DNAH12: variants seen among roughly 807,000 people sequenced by gnomAD.
The protein encoded by DNAH12 is axonemal beta dynein heavy chain 12.
In DNAH12, 285 loss-of-function variants were observed where a neutral mutation model predicts 371.5. The observed-to-expected ratio is 0.77, with a 90% CI of 0.70 to 0.85. The LOEUF (loss-of-function observed/expected upper bound fraction) is 0.85. Among genes scored for constraint, DNAH12 ranks in the 40% least tolerant of loss-of-function variants. The pLI, the probability that DNAH12 is intolerant of heterozygous loss-of-function variation, is 0.00. For synonymous variants in DNAH12, 1,200 were observed against 1,213.0 expected, an observed-to-expected ratio of 0.99 and a Z score of 0.22; for missense variants, 3,611 against 3,689.4, an observed-to-expected ratio of 0.98 and a Z score of 0.55.
At chr3:57,391,490 T>C (rs950885836) in intron 45 of DNAH12, among the ~76,000 whole-genome samples, 2 of 152,342 alleles carry the variant, frequency 1.3e-5, no homozygotes, top group Admixed American at 1.3e-4. Context: ...TTCATAATCA[T>C]ATGAGCCAAT....
intron 25 of DNAH12, among the ~76,000 whole-genome samples, chr3:57,447,009 T>C (rs1037551008): frequency 6.6e-6 from 1 of 152,170 alleles, no homozygotes; most frequent in African/African-American, 2.4e-5. Flanking sequence ...GAGATGGTTG[T>C]GGAGGACAAT....
At chr3:57,550,931 T>G in the DNAH12 span, among the ~76,000 whole-genome samples, 27 of 150,622 alleles carry the variant, frequency 1.8e-4, no homozygotes, top group Admixed American at 1.7e-3. Flanking sequence ...GAGGCTGGAG[T>G]GCAGTGGCGC....
chr3:57,352,295 T>C (rs1553660760), intron 59 of DNAH12, 70 bp from the exon 60 acceptor site: 8 of 1,408,198 alleles, frequency 5.7e-6, no homozygotes, highest in African/African-American at 3.0e-5. Context: ...TGAATTAACA[T>C]ATACACTTTT....
In DNAH12 at chr3:57,320,203, G is replaced by A. The variant is rs2061774689; in HGVS notation, c.10524+2140C>T. Reference sequence around the variant, plus strand: ...ATTATGGTTGAGCTTGCTTTCCACAGGTTTCCTTTGACTAAAATGTCAGCT... The same window carrying A: ...ATTATGGTTGAGCTTGCTTTCCACAAGTTTCCTTTGACTAAAATGTCAGCT... On this transcript the variant is annotated intron_variant, in intron 65 of 73. Coordinates refer to ENST00000495027, the MANE Select transcript of DNAH12 (RefSeq NM_001366028.2). Among the ~76,000 whole-genome samples the A allele has an allele frequency of 3.3e-5, 5 of 152,170 alleles. No homozygotes were observed. In the South Asian group the frequency reaches 1.0e-3, roughly 32 times the overall value.
At position 57,392,018 on chromosome 3, in the gene DNAH12, G is replaced by A. The variant is rs2063634947; in HGVS notation, c.7159C>T (p.Pro2387Ser). 2 of 152,308 alleles carry A rather than the reference G, an allele frequency of 1.3e-5. No individual in the cohort carries two copies. Among genetic ancestry groups the A allele is most frequent in the African/African-American group, 4.8e-5 (2 of 41,554 alleles). The allele number at this position is 152,308 out of a possible 1,614,324, so 9.4% of individuals were successfully genotyped here. The change falls in exon 45 of 74, where the codon CCC becomes TCC. Residue 2387 changes from proline (P) to serine (S), a missense_variant. By Grantham distance (74) the Pro-to-Ser change is moderately conservative. Coordinates refer to ENST00000495027, the MANE Select transcript of DNAH12 (RefSeq NM_001366028.2). ...ACAAAGAAAGCAAACAGAGCTAAGG[G>A]ACTGAGTTCATCATGTTTATTGCCA... is the stretch of plus-strand genomic sequence containing the variant. ...QAGNKHDELS[P>S]LALFAFFVNR...
rs562478186 is a variant in DNAH12, at chr3:57,343,410, G to T, written c.9675-8470C>A. On this transcript the variant is annotated intron_variant, in intron 60 of 73. Coordinates refer to ENST00000495027, the MANE Select transcript of DNAH12 (RefSeq NM_001366028.2). ...CAAGGTTTAAGGGATCCAAGGCTGT[G>T]CAGGACTTGCCTTGTTAACAAAATG... Among the ~76,000 whole-genome samples, 7 of 152,352 alleles carry T rather than the reference G, an allele frequency of 4.6e-5. No homozygotes were observed. The South Asian group carries it at 1.4e-3, about 32-fold the overall frequency.
chr3:57,326,362 C>T (rs1427100992), intron 62 of DNAH12, among the ~76,000 whole-genome samples: 21 of 152,186 alleles, frequency 1.4e-4, no homozygotes, highest in South Asian at 4.2e-4. Flanking sequence ...GCTGAGCTCT[C>T]GGCAGAAACT....
At chr3:57,522,900 A>G (rs1397964604) in intron 4 of DNAH12, among the ~76,000 whole-genome samples, 2 of 151,776 alleles carry the variant, frequency 1.3e-5, no homozygotes, top group Non-Finnish European at 2.9e-5. Context: ...TTCTAAATAC[A>G]TATTTGCTGA....
chr3:57,332,838 T>A (rs746933265), intron 62 of DNAH12, among the ~76,000 whole-genome samples: 1 of 152,156 alleles, frequency 6.6e-6, no homozygotes, highest in East Asian at 1.9e-4. Flanking sequence ...CCAAAAGCCA[T>A]AGAGAGTCCT....
chr3:57,458,246 C>A, intron 20 of DNAH12, 26 bp from the exon 21 acceptor site: 2 of 1,527,748 alleles, frequency 1.3e-6, no homozygotes, highest in South Asian at 1.3e-5. Context: ...GCATTCAAGT[C>A]AGCACTTTTA....
At chr3:57,545,755 G>A (rs1274400606), upstream of DNAH12, among the ~76,000 whole-genome samples, 5 of 152,044 alleles carry the variant, frequency 3.3e-5, no homozygotes, top group African/African-American at 7.2e-5. Context: ...AGGGTGTTGT[G>A]CCTGGAGACA....
intron 60 of DNAH12, 146 bp from the exon 61 acceptor site, chr3:57,335,086 G>A: frequency 6.9e-6 from 6 of 870,050 alleles, no homozygotes; most frequent in Non-Finnish European, 8.4e-6. Context: ...CAAAATTAAT[G>A]AAACAACTGT....
At chr3:57,491,099 A>AAAAAAAAAAAAAAAAAAAC (rs56259991) in intron 11 of DNAH12, among the ~76,000 whole-genome samples, 1 of 112,790 alleles carries the variant, frequency 8.9e-6, no homozygotes, top group Non-Finnish European at 1.7e-5. Context: ...AAAAAAAAAA[A>AAAAAAAAAAAAAAAAAAAC]AACAACAAAT....
intron 62 of DNAH12, among the ~76,000 whole-genome samples, chr3:57,326,214 C>A (rs2061941764): frequency 6.6e-6 from 1 of 151,894 alleles, no homozygotes; most frequent in African/African-American, 2.4e-5. Flanking sequence ...GAGAATGCCA[C>A]AAAGATACTC....
chr3:57,425,770 G>T (rs2064747496), intron 34 of DNAH12, among the ~76,000 whole-genome samples: 1 of 143,064 alleles, frequency 7.0e-6, no homozygotes, highest in Non-Finnish European at 1.5e-5. Context: ...TAGCAGAAAT[G>T]AAGTCTCTAA....
intron 35 of DNAH12, among the ~76,000 whole-genome samples, chr3:57,423,680 C>T (rs1362284510): frequency 1.3e-5 from 2 of 152,170 alleles, no homozygotes; most frequent in Admixed American, 1.3e-4. Flanking sequence ...AACCTCTTTC[C>T]TCAGGCTCTT....
In DNAH12 at chr3:57,413,826, A is replaced by G; in HGVS notation, c.5940T>C (p.Asp1980=). 2.6e-6 allele frequency: 4 copies of G among 1,551,258 alleles called. No individual in the cohort carries two copies. The highest frequency in any genetic ancestry group is 2.4e-5 in the South Asian group (2 of 84,046). ...MGKKCIIFID[D]MNMPALEKYG... The stretch of plus-strand genomic sequence containing the variant: ...ACTTCTCCAATGCAGGCATATTCAT[A>G]TCATCTATAAAAATTATACACTTCT... Residue 1980 remains aspartate, a synonymous_variant, in exon 39 of 74, where the codon GAT becomes GAC. Coordinates refer to ENST00000495027, the MANE Select transcript of DNAH12 (RefSeq NM_001366028.2).
chr3:57,338,876 G>A (rs1447376118), intron 60 of DNAH12, among the ~76,000 whole-genome samples: 2 of 152,230 alleles, frequency 1.3e-5, no homozygotes, highest in Admixed American at 6.5e-5. Flanking sequence ...CAACAGCTCC[G>A]AAGAGACAAC....
chr3:57,327,557 G>A (rs1184510996), intron 62 of DNAH12, among the ~76,000 whole-genome samples: 1 of 151,948 alleles, frequency 6.6e-6, no homozygotes, highest in Non-Finnish European at 1.5e-5. Flanking sequence ...CACATTCAAA[G>A]CAGTGTGTAA....
Sources: allele counts gnomAD v4.1 joint callset (sites outside exome capture counted in the v4.1 genomes callset), GRCh38; gene constraint gnomAD v4.1.1; transcripts MANE v1.5; gene names NCBI Gene and HGNC (gene_info 2026-07-23, HGNC 2026-07-21).